GPHN: variants seen among roughly 807,000 people sequenced by gnomAD.
GPHN encodes the protein gephyrin.
In GPHN, 17 loss-of-function variants were observed where a neutral mutation model predicts 95.5. That is an observed-to-expected ratio of 0.18 (90% CI 0.12 to 0.27). The LOEUF (loss-of-function observed/expected upper bound fraction) is 0.27, where lower values mean the gene tolerates loss of function less well. Among genes scored for constraint, GPHN ranks in the 10% least tolerant of loss-of-function variants. GPHN has a pLI of 1.00. For synonymous variants in GPHN, 320 were observed against 322.5 expected (o/e 0.99, Z 0.08); for missense variants, 660 against 978.1 (o/e 0.67, Z 4.34).
chr14:67,576,780 G>T, the GPHN span, among the ~76,000 whole-genome samples: 1 of 152,186 alleles, frequency 6.6e-6, no homozygotes, highest in African/African-American at 2.4e-5. This position sits in a 1 kb window ranked among gnomAD's most constrained non-coding sequence, Gnocchi z 4.0. Context: ...TGCTGGCTGG[G>T]CAGAGGGCTG....
intron 4 of GPHN, among the ~76,000 whole-genome samples, chr14:66,842,298 G>C (rs1171609873): frequency 6.6e-6 from 1 of 152,058 alleles, no homozygotes; most frequent in South Asian, 2.1e-4. Flanking sequence ...GTAGTTTCTA[G>C]TAATCTGTCC....
rs372926956 is a variant in GPHN at position 66,934,710 on chromosome 14, A to G, written c.828+10418A>G. ...ATGCCTGCTATGATGGAACTAGCAT[A>G]AGAAACAATCCTGAGAAACAGAAGT... On this transcript the variant is annotated intron_variant, in intron 8 of 22. Coordinates refer to ENST00000478722, the MANE Select transcript of GPHN (RefSeq NM_020806.5). 1.4e-4 allele frequency among the ~76,000 whole-genome samples: 22 copies of G among 152,346 alleles called. No homozygotes were observed. The South Asian group carries it at 2.1e-3, about 14-fold the overall frequency.
At chr14:66,704,231 C>T (rs1345516381) in intron 2 of GPHN, among the ~76,000 whole-genome samples, 2 of 152,084 alleles carry the variant, frequency 1.3e-5, no homozygotes, top group African/African-American at 4.8e-5. Context: ...GAGACTTTAA[C>T]ACCCCACTGT....
the GPHN span, chr14:67,387,068 A>G: frequency 3.3e-6 from 1 of 301,428 alleles, no homozygotes; most frequent in Non-Finnish European, 6.1e-6. Context: ...TGCCCGAGGA[A>G]ATGGCTGTTT....
the GPHN span, chr14:67,383,868 C>T: frequency 3.6e-3 from 817 of 228,324 alleles, 8 homozygotes; most frequent in African/African-American, 0.018. Flanking sequence ...TAACTATAGG[C>T]TTCTTCCTTC....
At chr14:67,690,624 C>T in the GPHN span, 24 of 566,338 alleles carry the variant, frequency 4.2e-5, no homozygotes, top group African/African-American at 1.1e-4. Flanking sequence ...CTTATATGAG[C>T]GAGATAGGTC....
the GPHN span, among the ~76,000 whole-genome samples, chr14:67,428,833 T>C: frequency 6.6e-6 from 1 of 152,156 alleles, no homozygotes; most frequent in African/African-American, 2.4e-5. Context: ...TGCCCTGGGC[T>C]GTAGGGGGCC....
chr14:66,675,391 G>C lies in GPHN; in HGVS notation c.65-5716G>C, dbSNP rs148079142. On this transcript the variant is annotated intron_variant, in intron 1 of 22. Transcript: ENST00000478722. The stretch of plus-strand genomic sequence containing the variant: ...GATCTCTTGACCTCATGATCTGCCC[G>C]CCTCGGCCTCCCAAAGTGCTGGGAT... 2.0e-5 allele frequency among the ~76,000 whole-genome samples: 3 copies of C among 151,970 alleles called. No homozygotes were observed. The South Asian group carries it at 6.2e-4, about 32-fold the overall frequency.
chr14:67,579,283 C>A, the GPHN span: 1 of 1,565,626 alleles, frequency 6.4e-7, no homozygotes, highest in East Asian at 2.3e-5. Context: ...TTCAGCATCC[C>A]CGTGCACTTT....
intron 1 of GPHN, among the ~76,000 whole-genome samples, chr14:66,581,996 A>G (rs1010286134): frequency 2.0e-5 from 3 of 152,058 alleles, no homozygotes; most frequent in Admixed American, 1.3e-4. Flanking sequence ...ACAAAAAATG[A>G]TATAGAACTT....
the GPHN span, among the ~76,000 whole-genome samples, chr14:67,321,451 T>C: frequency 2.6e-3 from 397 of 152,322 alleles, 1 homozygote; most frequent in African/African-American, 8.3e-3. Context: ...GGAAAACATA[T>C]ACATACTTAC....
At chr14:66,605,936 C>T (rs965270746) in intron 1 of GPHN, among the ~76,000 whole-genome samples, 1 of 152,044 alleles carries the variant, frequency 6.6e-6, no homozygotes, top group African/African-American at 2.4e-5. Flanking sequence ...ATATTTTCTC[C>T]CATTCTCTAG....
At chr14:67,133,616 G>A (rs2079859300) in intron 17 of GPHN, among the ~76,000 whole-genome samples, 1 of 152,060 alleles carries the variant, frequency 6.6e-6, no homozygotes, top group Admixed American at 6.6e-5. Context: ...AGCCCCCAAA[G>A]CAATCAAATT....
At chr14:67,203,021 C>T in the GPHN span, 1 of 1,490,712 alleles carries the variant, frequency 6.7e-7, no homozygotes, top group Non-Finnish European at 9.1e-7. Flanking sequence ...CTCTCTTACA[C>T]TTCTCAGGCA....
At chr14:66,979,862 T>C (rs1227259448) in intron 9 of GPHN, among the ~76,000 whole-genome samples, 9 of 152,142 alleles carry the variant, frequency 5.9e-5, no homozygotes, top group Non-Finnish European at 1.3e-4. Context: ...CTTGAACTCT[T>C]AGAGGCCACT....
intron 9 of GPHN, among the ~76,000 whole-genome samples, chr14:66,987,419 G>A (rs1816678617): frequency 6.6e-6 from 1 of 152,012 alleles, no homozygotes; most frequent in Admixed American, 6.6e-5. Context: ...TCAACTTCTG[G>A]ATGTATAGAA....
the GPHN span, among the ~76,000 whole-genome samples, chr14:67,441,535 G>A: frequency 2.0e-5 from 3 of 152,132 alleles, no homozygotes; most frequent in African/African-American, 4.8e-5. Flanking sequence ...GTAGACACAG[G>A]GCCCTGTGGT....
At chr14:67,254,459 A>T in the GPHN span, 1 of 152,190 alleles carries the variant, frequency 6.6e-6, no homozygotes, top group African/African-American at 2.4e-5. Flanking sequence ...AGCATTACTC[A>T]TACCCTCAGT....
chr14:66,589,962 GA>G (rs2061573196), intron 1 of GPHN, among the ~76,000 whole-genome samples: 1 of 151,936 alleles, frequency 6.6e-6, no homozygotes, highest in African/African-American at 2.4e-5. Flanking sequence ...CAAAAGAATG[GA>G]AATCATAATA....
Sources: allele counts gnomAD v4.1 joint callset (sites outside exome capture counted in the v4.1 genomes callset), GRCh38; gene constraint gnomAD v4.1.1; non-coding constraint Gnocchi (gnomAD v3.1); transcripts MANE v1.5; gene names NCBI Gene and HGNC (gene_info 2026-07-23, HGNC 2026-07-21).